The following PTPRD variants were observed in gnomAD, a reference collection of about 807,000 sequenced individuals.
The protein encoded by PTPRD is protein tyrosine phosphatase receptor type D, also known as receptor-type tyrosine-protein phosphatase delta.
Under a neutral mutation model 214.5 loss-of-function variants are expected in PTPRD, and 34 were observed. The observed-to-expected ratio is 0.16, with a 90% CI of 0.12 to 0.21. PTPRD has a LOEUF of 0.21. Among genes scored for constraint, PTPRD ranks in the 10% least tolerant of loss-of-function variants. The pLI, the probability that PTPRD is intolerant of heterozygous loss-of-function variation, is 1.00. For missense variants in PTPRD, 2,545 were observed against 2,398.7 expected (o/e 1.06, Z -1.27); for synonymous variants, 1,128 against 845.7 (o/e 1.33, Z -5.79).
intron 7 of PTPRD, among the ~76,000 whole-genome samples, chr9:9,607,602 G>A (rs2094248034): frequency 1.3e-5 from 2 of 152,100 alleles, no homozygotes; most frequent in South Asian, 2.1e-4. Context: ...CAGGAACAAT[G>A]TGAATTTGAA....
At chr9:9,156,586 A>G (rs561664094) in intron 10 of PTPRD, among the ~76,000 whole-genome samples, 1 of 152,160 alleles carries the variant, frequency 6.6e-6, no homozygotes, top group South Asian at 2.1e-4. Flanking sequence ...GAGATTATGT[A>G]TAAATATATG....
At chr9:10,135,036 G>C (rs1167195369) in intron 3 of PTPRD, among the ~76,000 whole-genome samples, 1 of 152,072 alleles carries the variant, frequency 6.6e-6, no homozygotes. Flanking sequence ...GAACCAAATT[G>C]AACTCCTGGA....
chr9:9,503,564 T>C (rs1225526967), intron 8 of PTPRD, among the ~76,000 whole-genome samples: 4 of 151,704 alleles, frequency 2.6e-5, no homozygotes, highest in African/African-American at 9.7e-5. Flanking sequence ...GCCACAATGA[T>C]CATATGGTTT....
intron 11 of PTPRD, among the ~76,000 whole-genome samples, chr9:8,894,670 G>A (rs1385712096): frequency 6.6e-6 from 1 of 152,160 alleles, no homozygotes; most frequent in Non-Finnish European, 1.5e-5. Context: ...TTAGTAAACT[G>A]AACGTATGCT....
chr9:10,049,846 T>G (rs2097493838), intron 3 of PTPRD, among the ~76,000 whole-genome samples: 1 of 152,130 alleles, frequency 6.6e-6, no homozygotes, highest in African/African-American at 2.4e-5. Flanking sequence ...TAGCAAAACA[T>G]TTACACCTGA....
chr9:10,594,914 G>T lies in PTPRD; in HGVS notation c.-600+17484C>A, dbSNP rs146531139. ...GAATCATTTGCACTTTAAAGAGATA[G>T]AAGTGATACAAATTTTACTTTCATG... On this transcript the variant is annotated intron_variant, in intron 2 of 45. Coordinates refer to ENST00000381196, the MANE Select transcript of PTPRD (RefSeq NM_002839.4). Among the ~76,000 whole-genome samples the T allele has an allele frequency of 7.3e-3, 1,114 of 152,094 alleles. 9 individuals are homozygous for T. Among genetic ancestry groups the T allele is most frequent in the African/African-American group, 0.026 (1,080 of 41,532 alleles).
intron 7 of PTPRD, among the ~76,000 whole-genome samples, chr9:9,674,776 A>AT (rs1178362924): frequency 2.6e-5 from 4 of 151,860 alleles, no homozygotes; most frequent in African/African-American, 9.7e-5. Flanking sequence ...TTCTCAACAT[A>AT]TATTTCAAAT....
intron 3 of PTPRD, among the ~76,000 whole-genome samples, chr9:10,320,716 A>T (rs1369943316): frequency 1.3e-5 from 2 of 151,746 alleles, no homozygotes; most frequent in Non-Finnish European, 2.9e-5. Context: ...CCTTCCATTC[A>T]TTCATTGATT....
chr9:10,013,797 A>G (rs945438146), intron 4 of PTPRD, among the ~76,000 whole-genome samples: 3 of 151,894 alleles, frequency 2.0e-5, no homozygotes. Context: ...TCTGCTAGCT[A>G]TTTTATATTT....
chr9:9,548,330 A>C (rs1569569184), intron 8 of PTPRD, among the ~76,000 whole-genome samples: 1 of 151,960 alleles, frequency 6.6e-6, no homozygotes, highest in Admixed American at 6.6e-5. Context: ...TAATCATTCA[A>C]TTAAAGGGCA....
intron 11 of PTPRD, among the ~76,000 whole-genome samples, chr9:8,803,384 T>C (rs1320297294): frequency 1.3e-5 from 2 of 152,208 alleles, no homozygotes; most frequent in African/African-American, 4.8e-5. Flanking sequence ...AAATTAGTTT[T>C]GCCGATGAGA....
rs1304437032 is a variant in PTPRD, at chr9:9,783,818, CGTT to C, written c.-367-16970_-367-16968del. On this transcript the variant is annotated intron_variant, in intron 5 of 45. Coordinates refer to ENST00000381196, the MANE Select transcript of PTPRD (RefSeq NM_002839.4). ...ATTCATCTGTTTTTCTCTCCTGCTTCGTTTTTTTTTTTTTTTTTTAATTAAACT... is the reference window on the plus strand; with the variant it reads ...ATTCATCTGTTTTTCTCTCCTGCTTCTTTTTTTTTTTTTTTTAATTAAACT... 3.6e-3 allele frequency among the ~76,000 whole-genome samples: 284 copies of C among 77,958 alleles called. 2 individuals are homozygous for C. The highest frequency in any genetic ancestry group is 9.7e-3 in the African/African-American group (272 of 27,990). The allele number at this position is 77,958 out of a possible 152,430, so 51.1% of individuals were successfully genotyped here.
intron 14 of PTPRD, among the ~76,000 whole-genome samples, chr9:8,580,786 A>T (rs1022014765): frequency 3.3e-5 from 5 of 152,208 alleles, no homozygotes; most frequent in African/African-American, 1.2e-4. Context: ...ACATACACAC[A>T]CACACGCTTA....
At chr9:9,107,547 G>A (rs1442977659) in intron 10 of PTPRD, among the ~76,000 whole-genome samples, 3 of 152,132 alleles carry the variant, frequency 2.0e-5, no homozygotes, top group Non-Finnish European at 2.9e-5. Context: ...GATTGTGGCA[G>A]GAGTCTGTGT....
At position 8,593,785 on chromosome 9, in the gene PTPRD, T is replaced by C. The variant is rs141856262; in HGVS notation, c.352+39532A>G. Among the ~76,000 whole-genome samples the C allele has an allele frequency of 1.5e-3, 234 of 152,286 alleles. 1 individual carries two copies. Among genetic ancestry groups the C allele is most frequent in the African/African-American group, 5.2e-3 (217 of 41,556 alleles). The stretch of plus-strand genomic sequence containing the variant: ...CAAGTATCACAAATGGTGATGATGA[T>C]CATAGCACCCTTGGCAAATGGCCTC... On this transcript the variant is annotated intron_variant, in intron 14 of 45. Transcript: ENST00000381196.
chr9:9,878,548 G>C lies in PTPRD; in HGVS notation c.-368+59959C>G, dbSNP rs189472049. On this transcript the variant is annotated intron_variant, in intron 5 of 45. Coordinates refer to ENST00000381196, the MANE Select transcript of PTPRD (RefSeq NM_002839.4). ...AAATTAACCTGAATGTAAGAGACTT[G>C]GTAAGTTAGAAAATAGAGAAAATGT... 2.0e-4 allele frequency among the ~76,000 whole-genome samples: 30 copies of C among 152,224 alleles called. No individual in the cohort carries two copies. In the East Asian group the frequency reaches 5.6e-3, roughly 28 times the overall value.
chr9:8,495,463 C>A (rs1468026695), intron 26 of PTPRD, among the ~76,000 whole-genome samples: 1 of 152,178 alleles, frequency 6.6e-6, no homozygotes, highest in African/African-American at 2.4e-5. Flanking sequence ...TTCCTATCTG[C>A]CACCTTTTTA....
At chr9:8,351,471 G>A (rs764464895) in intron 39 of PTPRD, among the ~76,000 whole-genome samples, 10 of 151,320 alleles carry the variant, frequency 6.6e-5, no homozygotes, top group Non-Finnish European at 1.2e-4. Context: ...ATAAAGCAAT[G>A]GGTAAAAAGT....
At chr9:8,510,263 C>T (rs948947925) in intron 21 of PTPRD, among the ~76,000 whole-genome samples, 2 of 151,948 alleles carry the variant, frequency 1.3e-5, no homozygotes, top group African/African-American at 4.8e-5. Flanking sequence ...CTGCACACCA[C>T]CCTGGATGAC....
Sources: allele counts gnomAD v4.1 joint callset (sites outside exome capture counted in the v4.1 genomes callset), GRCh38; gene constraint gnomAD v4.1.1; transcripts MANE v1.5; gene names NCBI Gene and HGNC (gene_info 2026-07-23, HGNC 2026-07-21).